Variants in MED28 observed in about 807,000 individuals in gnomAD.
MED28 encodes mediator complex subunit 28, also known as mediator of RNA polymerase II transcription subunit 28.
MED28 carries 26 observed loss-of-function variants against 21.3 expected under a neutral mutation model. That is an observed-to-expected ratio of 1.22 (90% CI 0.89 to 1.69). MED28 has a LOEUF of 1.69. Ranked by LOEUF, MED28 falls within the 40% of genes most tolerant of loss-of-function variation. MED28 has a pLI of 0.00. For missense variants in MED28, 257 were observed against 215.4 expected, an observed-to-expected ratio of 1.19 and a Z score of -1.21; for synonymous variants, 110 against 87.6, an observed-to-expected ratio of 1.26 and a Z score of -1.43.
chr4:17,633,865 G>T lies in MED28; in HGVS notation c.*10067G>T, dbSNP rs1186548737. On this transcript the variant is annotated 3_prime_UTR_variant, in exon 4 of 4. Coordinates refer to ENST00000237380, the MANE Select transcript of MED28 (RefSeq NM_025205.5). ...GGTTCGGCACGCTGACCACGCGGCTGGGCACGTCCTCCACCTTCTTTTTCT... is the reference window on the plus strand; with the variant it reads ...GGTTCGGCACGCTGACCACGCGGCTTGGCACGTCCTCCACCTTCTTTTTCT... 3 of 1,550,096 alleles carry T rather than the reference G, an allele frequency of 1.9e-6. No homozygotes were observed. In the African/African-American group the frequency reaches 4.1e-5, roughly 21 times the overall value.
chr4:17,623,958 C>G lies in MED28; in HGVS notation c.*160C>G, dbSNP rs1216257999. 40 of 735,182 alleles carry G rather than the reference C, an allele frequency of 5.4e-5. No homozygotes were observed. Among genetic ancestry groups the G allele is most frequent in the Non-Finnish European group, 7.6e-5 (34 of 447,652 alleles). 45.5% of individuals were successfully genotyped at this position (735,182 alleles called of 1,614,324 possible). On this transcript the variant is annotated 3_prime_UTR_variant, in exon 4 of 4. Coordinates refer to ENST00000237380, the MANE Select transcript of MED28 (RefSeq NM_025205.5). ...AAAAATTTTCCACTATTTTTATAAG[C>G]TGTTAATTTCTTGAGTACTTTATAA...
rs199549580 is a variant in MED28, at chr4:17,632,043, ATTTTTTTTTT to A, written c.*8280_*8289del. 3.7e-4 allele frequency: 44 copies of A among 117,570 alleles called. No homozygotes were observed. The highest frequency in any genetic ancestry group is 1.1e-3 in the East Asian group (5 of 4,594). 7.3% of individuals were successfully genotyped at this position (117,570 alleles called of 1,614,324 possible). On this transcript the variant is annotated 3_prime_UTR_variant, in exon 4 of 4. Transcript: ENST00000237380. ...TTTTAATAACACTGGTTTAATGTCA[ATTTTTTTTTT>A]TTTTTTTTTTTTTTTTTTTTTTTTT... is the stretch of plus-strand genomic sequence containing the variant.
At chr4:17,621,087 T>C (rs1714616142) in intron 2 of MED28, among the ~76,000 whole-genome samples, 1 of 149,132 alleles carries the variant, frequency 6.7e-6, no homozygotes, top group Non-Finnish European at 1.5e-5. Context: ...CGATCTCGGC[T>C]CACTGCAACC....
rs774975414 is a variant in MED28 at position 17,623,816 on chromosome 4, T to C, written c.*18T>C. 2.5e-6 allele frequency: 4 copies of C among 1,607,830 alleles called. No individual in the cohort carries two copies. In the South Asian group the frequency reaches 4.4e-5, roughly 18 times the overall value. On this transcript the variant is annotated 3_prime_UTR_variant, in exon 4 of 4. Coordinates refer to ENST00000237380, the MANE Select transcript of MED28 (RefSeq NM_025205.5). ...CAACGTGAGCAAAGGGCAGAGGCAG[T>C]TGGCCTATGAGTGGGCTGATGCGTG...
rs148018341 is a variant in MED28, at chr4:17,628,920, C to A, written c.*5122C>A. 0.016 allele frequency: 2,367 copies of A among 152,352 alleles called. 59 individuals are homozygous for A. The highest frequency in any genetic ancestry group is 0.049 in the African/African-American group (2,041 of 41,554). The allele number at this position is 152,352 out of a possible 1,614,324, so 9.4% of individuals were successfully genotyped here. ...TGGAAGATAAGAGGAGTACTGCACA[C>A]AAGGACAGTAGAGTGTCTGTTCCCT... On this transcript the variant is annotated 3_prime_UTR_variant, in exon 4 of 4. Transcript: ENST00000237380.
rs530321995 is a variant in MED28, at chr4:17,630,489, A to G, written c.*6691A>G. 2.6e-5 allele frequency: 4 copies of G among 152,334 alleles called. No homozygotes were observed. The highest frequency in any genetic ancestry group is 9.6e-5 in the African/African-American group (4 of 41,578). The allele number at this position is 152,334 out of a possible 1,614,324, so 9.4% of individuals were successfully genotyped here. ...GAAGAATGGGCCCTCCCCAGACTCC[A>G]TATCTGCTGGTGCCTTGATCTTGGA... On this transcript the variant is annotated 3_prime_UTR_variant, in exon 4 of 4. Coordinates refer to ENST00000237380, the MANE Select transcript of MED28 (RefSeq NM_025205.5).
rs370827552 is a variant in MED28, at chr4:17,633,850, G to A, written c.*10052G>A. On this transcript the variant is annotated 3_prime_UTR_variant, in exon 4 of 4. Coordinates refer to ENST00000237380, the MANE Select transcript of MED28 (RefSeq NM_025205.5). ...TTGCATAGGAGGCGAGGTTCGGCAC[G>A]CTGACCACGCGGCTGGGCACGTCCT... 1.6e-4 allele frequency: 254 copies of A among 1,550,962 alleles called. No homozygotes were observed. The highest frequency in any genetic ancestry group is 2.1e-4 in the Non-Finnish European group (240 of 1,146,782).
At chr4:17,618,718 G>A (rs185674327) in intron 1 of MED28, among the ~76,000 whole-genome samples, 1,787 of 128,082 alleles carry the variant, frequency 0.014, 41 homozygotes, top group African/African-American at 0.047. Context: ...GGGCTTCACC[G>A]TGTTAGTTAG....
intron 3 of MED28, among the ~76,000 whole-genome samples, chr4:17,623,046 A>G (rs1013108766): frequency 2.6e-5 from 4 of 152,192 alleles, no homozygotes; most frequent in East Asian, 1.9e-4. Context: ...AACCATATCA[A>G]TCTGATTTCT....
At chr4:17,622,429 C>T (rs551248330) in intron 3 of MED28, among the ~76,000 whole-genome samples, 1 of 152,220 alleles carries the variant, frequency 6.6e-6, no homozygotes. Flanking sequence ...CATGTCAGAT[C>T]ATTTCCTGAT....
At chr4:17,621,536 A>G in intron 2 of MED28, 51 bp from the exon 3 acceptor site, 1 of 1,228,462 alleles carries the variant, frequency 8.1e-7, no homozygotes. Flanking sequence ...AGGGAGATAA[A>G]TGAGTCTGTT....
intron 1 of MED28, among the ~76,000 whole-genome samples, chr4:17,615,186 C>T (rs1308871372): frequency 4.6e-5 from 7 of 152,196 alleles, no homozygotes; most frequent in Admixed American, 2.6e-4. Flanking sequence ...ATCCTGTATC[C>T]TTTCCGCTGG....
In MED28 at chr4:17,633,782, G is replaced by C. The variant is rs1293971580; in HGVS notation, c.*9984G>C. 2 of 1,551,632 alleles carry C rather than the reference G, an allele frequency of 1.3e-6. No individual in the cohort carries two copies. The highest frequency in any genetic ancestry group is 1.2e-5 in the South Asian group (1 of 84,050). On this transcript the variant is annotated 3_prime_UTR_variant, in exon 4 of 4. Transcript: ENST00000237380. ...CAAGCTGGGTGATGTAGTTATTGGA[G>C]GGGCATTAATCCTGGAACTCAGATC...
chr4:17,619,747 A>G (rs557355126), intron 1 of MED28, among the ~76,000 whole-genome samples, 154 bp from the exon 2 acceptor site: 3 of 152,292 alleles, frequency 2.0e-5, no homozygotes, highest in Non-Finnish European at 4.4e-5. Flanking sequence ...AGTTTACCAG[A>G]TGTTTCCATT....
chr4:17,614,895 G>A, intron 1 of MED28, 82 bp downstream of exon 1: 5 of 1,458,392 alleles, frequency 3.4e-6, no homozygotes, highest in Non-Finnish European at 4.6e-6. Flanking sequence ...ATCTCCTCCA[G>A]GGATCCGAGC....
chr4:17,630,779 CTTTTT>C lies in MED28; in HGVS notation c.*6989_*6993del, dbSNP rs57987403. On this transcript the variant is annotated 3_prime_UTR_variant, in exon 4 of 4. Coordinates refer to ENST00000237380, the MANE Select transcript of MED28 (RefSeq NM_025205.5). Reference sequence around the variant, plus strand: ...AAGTTTGACAGTTATATGTAATCAGCTTTTTTTTTTTTAAGATGGTGTGATTGAGG... The same window carrying C: ...AAGTTTGACAGTTATATGTAATCAGCTTTTTTTAAGATGGTGTGATTGAGG... The C allele has an allele frequency of 2.0e-5, 3 of 148,476 alleles. No individual in the cohort carries two copies. Among genetic ancestry groups the C allele is most frequent in the Non-Finnish European group, 3.0e-5 (2 of 67,042 alleles). The allele number at this position is 148,476 out of a possible 1,614,324, so 9.2% of individuals were successfully genotyped here.
In MED28 at chr4:17,633,860, C is replaced by T. The variant is rs368942670; in HGVS notation, c.*10062C>T. 5.0e-5 allele frequency: 78 copies of T among 1,550,406 alleles called. No homozygotes were observed. The highest frequency in any genetic ancestry group is 5.6e-5 in the Non-Finnish European group (64 of 1,146,534). On this transcript the variant is annotated 3_prime_UTR_variant, in exon 4 of 4. Coordinates refer to ENST00000237380, the MANE Select transcript of MED28 (RefSeq NM_025205.5). ...GGCGAGGTTCGGCACGCTGACCACGCGGCTGGGCACGTCCTCCACCTTCTT... is the reference window on the plus strand; with the variant it reads ...GGCGAGGTTCGGCACGCTGACCACGTGGCTGGGCACGTCCTCCACCTTCTT...
chr4:17,624,103 G>C lies in MED28; in HGVS notation c.*305G>C, dbSNP rs1396835628. On this transcript the variant is annotated 3_prime_UTR_variant, in exon 4 of 4. Transcript: ENST00000237380. ...GTGGCTTTGCTTGTTTTAAATTTTT[G>C]CATGACTTTTCATCTTTTTATGTGT... 1 of 353,920 alleles carries C rather than the reference G, an allele frequency of 2.8e-6. No individual in the cohort carries two copies. The highest frequency in any genetic ancestry group is 5.2e-6 in the Non-Finnish European group (1 of 190,528). 21.9% of individuals were successfully genotyped at this position (353,920 alleles called of 1,614,324 possible).
At position 17,625,309 on chromosome 4, in the gene MED28, A is replaced by G; in HGVS notation, c.*1511A>G. On this transcript the variant is annotated 3_prime_UTR_variant, in exon 4 of 4. Transcript: ENST00000237380. ...TGTGTATATGGTATCTGGCACATGG[A>G]TCTCTGATTACCAGCCTGACATCAA... is the stretch of plus-strand genomic sequence containing the variant. 5.6e-6 allele frequency: 1 copy of G among 177,422 alleles called. No homozygotes were observed. The highest frequency in any genetic ancestry group is 1.2e-5 in the Non-Finnish European group (1 of 84,102). The allele number at this position is 177,422 out of a possible 1,614,324, so 11.0% of individuals were successfully genotyped here. A position where few individuals can be genotyped will look rare whatever the true frequency, so the allele number is the denominator to read the frequency against.
Sources: gnomAD v4.1 joint callset for allele counts (sites outside exome capture counted in the v4.1 genomes callset) on GRCh38, gnomAD v4.1.1 for gene constraint, MANE v1.5 for transcripts, NCBI Gene and HGNC (gene_info 2026-07-23, HGNC 2026-07-21) for gene names.